NEBL: variants seen among roughly 807,000 people sequenced by gnomAD.
The protein encoded by NEBL is LIM and SH3 protein 2.
A neutral mutation model predicts 140.2 loss-of-function variants in NEBL; 122 were observed. The observed-to-expected ratio is 0.87, with a 90% CI of 0.75 to 1.01. NEBL has a LOEUF of 1.01. NEBL is among the 50% of genes least tolerant of loss of function. The pLI is 0.00. For missense variants in NEBL, 1,365 were observed against 1,231.3 expected, an observed-to-expected ratio of 1.11 and a Z score of -1.62; for synonymous variants, 436 against 398.9, an observed-to-expected ratio of 1.09 and a Z score of -1.11.
At chr10:21,189,238 G>C (rs1414953090) in intron 3 of NEBL, among the ~76,000 whole-genome samples, 1 of 152,082 alleles carries the variant, frequency 6.6e-6, no homozygotes, top group Non-Finnish European at 1.5e-5. Flanking sequence ...GGCAAAAGGA[G>C]ATTTAAGACA....
chr10:20,810,035 C>A (rs1837987158), intron 24 of NEBL, 137 bp from the exon 25 acceptor site: 2 of 674,642 alleles, frequency 3.0e-6, no homozygotes, highest in Non-Finnish European at 5.2e-6. Flanking sequence ...ATGTAACAGA[C>A]AAACTCACAG....
At chr10:21,007,247 C>T (rs1359415516) in intron 3 of NEBL, among the ~76,000 whole-genome samples, 1 of 152,172 alleles carries the variant, frequency 6.6e-6, no homozygotes. Context: ...TCACACAACC[C>T]GCACCCAAGA....
intron 2 of NEBL, among the ~76,000 whole-genome samples, chr10:21,087,813 T>A (rs1455403065): frequency 3.9e-5 from 6 of 152,212 alleles, no homozygotes; most frequent in Non-Finnish European, 8.8e-5. Flanking sequence ...TGATTTACCA[T>A]AATCCATCCT....
chr10:21,020,098 C>G (rs768672370), intron 3 of NEBL: 2 of 1,604,888 alleles, frequency 1.2e-6, no homozygotes, highest in Non-Finnish European at 1.7e-6. Flanking sequence ...GGGAACAAAA[C>G]AAATCTTCTA....
intron 2 of NEBL, among the ~76,000 whole-genome samples, chr10:21,100,552 A>C (rs182129854): frequency 3.3e-5 from 5 of 152,338 alleles, no homozygotes; most frequent in Admixed American, 3.3e-4. Context: ...ACCTCTGTGC[A>C]ATCAACAGAA....
intron 2 of NEBL, among the ~76,000 whole-genome samples, chr10:21,085,141 C>T (rs555203546): frequency 1.4e-4 from 21 of 152,290 alleles, no homozygotes; most frequent in African/African-American, 4.8e-4. Flanking sequence ...CTTCTAAACT[C>T]GCTTGATTTT....
intron 2 of NEBL, among the ~76,000 whole-genome samples, chr10:21,068,555 G>A (rs1835669235): frequency 6.6e-6 from 1 of 152,188 alleles, no homozygotes; most frequent in South Asian, 2.1e-4. Context: ...GTCACCACGA[G>A]GAAAGAAGCT....
intron 4 of NEBL, among the ~76,000 whole-genome samples, chr10:20,923,226 C>T (rs1284888785): frequency 6.6e-6 from 1 of 152,062 alleles, no homozygotes; most frequent in Admixed American, 6.5e-5. Context: ...CACCACCACA[C>T]CAAGATAATT....
chr10:21,041,990 A>G (rs1330115799), intron 2 of NEBL, among the ~76,000 whole-genome samples: 2 of 152,184 alleles, frequency 1.3e-5, no homozygotes, highest in Non-Finnish European at 2.9e-5. Flanking sequence ...TTTGATTGCC[A>G]TCTTGGTTTT....
intron 3 of NEBL, among the ~76,000 whole-genome samples, chr10:21,219,728 T>C (rs552823755): frequency 6.6e-6 from 1 of 152,180 alleles, no homozygotes; most frequent in Non-Finnish European, 1.5e-5. Context: ...ACATAGGATG[T>C]TTTTTCACTT....
chr10:21,055,615 G>C (rs1034453659), intron 2 of NEBL, among the ~76,000 whole-genome samples: 3 of 152,148 alleles, frequency 2.0e-5, no homozygotes, highest in African/African-American at 7.2e-5. Flanking sequence ...TCTCGGTTCT[G>C]TCATCCCTAA....
At chr10:21,174,503 G>C (rs1232968431), upstream of NEBL, 1 of 152,546 alleles carries the variant, frequency 6.6e-6, no homozygotes, top group Non-Finnish European at 1.5e-5. Context: ...CTCATCCCAG[G>C]CTGACTGACG....
intron 2 of NEBL, among the ~76,000 whole-genome samples, chr10:21,040,607 G>C (rs982210298): frequency 1.3e-5 from 2 of 152,126 alleles, no homozygotes; most frequent in Non-Finnish European, 2.9e-5. Flanking sequence ...CCATTCATGA[G>C]AGATTGGCCC....
intron 3 of NEBL, among the ~76,000 whole-genome samples, chr10:21,195,716 A>T (rs1467884348): frequency 1.3e-5 from 2 of 152,250 alleles, no homozygotes; most frequent in East Asian, 3.8e-4. Flanking sequence ...TAAAATATAC[A>T]TGTGAACTAG....
chr10:20,977,160 G>A (rs1004140229), intron 3 of NEBL, among the ~76,000 whole-genome samples: 2 of 152,104 alleles, frequency 1.3e-5, no homozygotes, highest in Non-Finnish European at 2.9e-5. Flanking sequence ...ACCTTCCAAA[G>A]GCCGACCTCC....
chr10:21,116,902 G>T (rs1365931878), intron 2 of NEBL, among the ~76,000 whole-genome samples: 1 of 151,986 alleles, frequency 6.6e-6, no homozygotes, highest in Non-Finnish European at 1.5e-5. Flanking sequence ...GAATTCCTGG[G>T]CTCAAGCAAT....
chr10:21,266,977 TG>T (rs1842803961), intron 1 of NEBL, among the ~76,000 whole-genome samples: 1 of 151,916 alleles, frequency 6.6e-6, no homozygotes. Flanking sequence ...GGGTTTTTTT[TG>T]TTTTTTGTTT....
At chr10:20,809,077 A>T (rs541835651) in intron 25 of NEBL, among the ~76,000 whole-genome samples, 1 of 152,210 alleles carries the variant, frequency 6.6e-6, no homozygotes, top group East Asian at 1.9e-4. Flanking sequence ...AAGTGACTAT[A>T]AAAGTACTAG....
chr10:21,128,099 T>C (rs548500966), intron 2 of NEBL, among the ~76,000 whole-genome samples: 2 of 152,332 alleles, frequency 1.3e-5, no homozygotes, highest in Admixed American at 1.3e-4. Flanking sequence ...TCTGCTCTTA[T>C]GGTACCCAGC....
Sources: allele counts gnomAD v4.1 joint callset (sites outside exome capture counted in the v4.1 genomes callset), GRCh38; gene constraint gnomAD v4.1.1; transcripts MANE v1.5; gene names NCBI Gene and HGNC (gene_info 2026-07-23, HGNC 2026-07-21).